The following ESYT2 variants were observed in gnomAD, a reference collection of about 807,000 sequenced individuals.
ESYT2 encodes extended synaptotagmin 2.
In ESYT2, 54 loss-of-function variants were observed where a neutral mutation model predicts 107.2. The observed-to-expected ratio is 0.50, with a 90% CI of 0.40 to 0.63. The LOEUF is 0.63. ESYT2 is among the 30% of genes least tolerant of loss of function. The pLI is 0.00. For synonymous variants in ESYT2, 491 were observed against 434.1 expected (o/e 1.13, Z -1.63); for missense variants, 1,020 against 1,094.5 (o/e 0.93, Z 0.96).
chr7:158,746,988 G>C (rs912216181), intron 16 of ESYT2, among the ~76,000 whole-genome samples: 8 of 152,164 alleles, frequency 5.3e-5, no homozygotes. Flanking sequence ...GGAGTTGGAG[G>C]CTGCAGTGAT....
chr7:158,816,263 T>C (rs929378460), intron 1 of ESYT2, among the ~76,000 whole-genome samples: 2 of 152,050 alleles, frequency 1.3e-5, no homozygotes, highest in African/African-American at 4.8e-5. Context: ...AGTGGAAGGG[T>C]TGCTTGAGTC....
At chr7:158,737,560 T>G (rs1419390634) in intron 19 of ESYT2, among the ~76,000 whole-genome samples, 3 of 152,186 alleles carry the variant, frequency 2.0e-5, no homozygotes, top group Non-Finnish European at 4.4e-5. Context: ...AGAAGGGGGC[T>G]GCTCCTTTGC....
At chr7:158,747,740 T>A (rs1251276837) in intron 16 of ESYT2, among the ~76,000 whole-genome samples, 1 of 152,226 alleles carries the variant, frequency 6.6e-6, no homozygotes, top group Non-Finnish European at 1.5e-5. Flanking sequence ...CAGTCTTGTA[T>A]GTGATATTCA....
Position 158,741,082 on chromosome 7 carries a change from A to G in ESYT2, c.2168+441T>C, listed in dbSNP as rs139736625. ...CAACACAGACATCCGAAGACAAACA[A>G]AAGAGACTGAGCAACAGGGATGGGA... On this transcript the variant is annotated intron_variant, in intron 18 of 22. Coordinates refer to ENST00000275418, the MANE Select transcript of ESYT2 (RefSeq NM_001367773.1). Among the ~76,000 whole-genome samples, 107 of 152,286 alleles carry G rather than the reference A, an allele frequency of 7.0e-4. 1 individual carries two copies. The highest frequency in any genetic ancestry group is 2.6e-3 in the African/African-American group (106 of 41,554).
chr7:158,748,180 T>C lies in ESYT2; in HGVS notation c.1644+14A>G. 6.2e-7 allele frequency: 1 copy of C among 1,611,400 alleles called. No homozygotes were observed. The highest frequency in any genetic ancestry group is 2.2e-5 in the East Asian group (1 of 44,870). ...ATTTGTCAATAAATTGGTTAAAAAA[T>C]GCAAATAAAATACCTCAACTTCAAG... is the stretch of plus-strand genomic sequence containing the variant. On this transcript the variant is annotated intron_variant, in intron 16 of 22. Transcript: ENST00000275418.
At chr7:158,802,677 G>A (rs1839680261) in intron 1 of ESYT2, among the ~76,000 whole-genome samples, 1 of 152,220 alleles carries the variant, frequency 6.6e-6, no homozygotes, top group South Asian at 2.1e-4. Context: ...TAGTAACACT[G>A]AAACATGCAG....
intron 13 of ESYT2, among the ~76,000 whole-genome samples, chr7:158,753,970 C>T (rs1423257899): frequency 6.6e-6 from 1 of 152,100 alleles, no homozygotes; most frequent in African/African-American, 2.4e-5. Flanking sequence ...TTCTAACATG[C>T]ATCAAGTAAA....
At chr7:158,735,710 T>A (rs1836914563) in intron 20 of ESYT2, 102 bp from the exon 21 acceptor site, 1 of 1,028,704 alleles carries the variant, frequency 9.7e-7, no homozygotes, top group South Asian at 1.5e-5. Flanking sequence ...AAATGTCATG[T>A]TTGTTTTTTA....
intron 20 of ESYT2, among the ~76,000 whole-genome samples, chr7:158,736,462 G>C (rs1836952820): frequency 6.6e-6 from 1 of 152,096 alleles, no homozygotes; most frequent in African/African-American, 2.4e-5. Flanking sequence ...TTTAAAAGTG[G>C]GGGCCAATGA....
At chr7:158,803,300 T>C in intron 1 of ESYT2, among the ~76,000 whole-genome samples, 1 of 152,236 alleles carries the variant, frequency 6.6e-6, no homozygotes, top group East Asian at 1.9e-4. Flanking sequence ...TTTGTTTCCT[T>C]GTGTAAAATC....
chr7:158,812,504 T>C (rs1035393400), intron 1 of ESYT2, among the ~76,000 whole-genome samples: 1 of 152,188 alleles, frequency 6.6e-6, no homozygotes, highest in African/African-American at 2.4e-5. Flanking sequence ...CATATATTGC[T>C]GGGGAGAATG....
chr7:158,757,830 C>G (rs1298653645), intron 13 of ESYT2, among the ~76,000 whole-genome samples: 1 of 151,808 alleles, frequency 6.6e-6, no homozygotes, highest in Non-Finnish European at 1.5e-5. Context: ...ACAACACACA[C>G]AGTTCTAAAG....
At chr7:158,749,538 C>T (rs546034068) in intron 15 of ESYT2, 111 bp downstream of exon 15, 16 of 933,446 alleles carry the variant, frequency 1.7e-5, no homozygotes, top group South Asian at 5.9e-5. Flanking sequence ...TCGATGCCCA[C>T]GCTATCACAC....
chr7:158,792,205 G>A (rs1015157232), intron 4 of ESYT2, among the ~76,000 whole-genome samples: 1 of 133,168 alleles, frequency 7.5e-6, no homozygotes, highest in Non-Finnish European at 1.6e-5. Context: ...TTCTACATAT[G>A]AGATCATCTC....
chr7:158,783,069 T>A lies in ESYT2; in HGVS notation c.747+4935A>T, dbSNP rs542231092. ...GCCTCAGGATGCTGGGAGCCTCGCC[T>A]CTGGAGGACTGAGCTATTTCAGGAA... On this transcript the variant is annotated intron_variant, in intron 6 of 22. Coordinates refer to ENST00000275418, the MANE Select transcript of ESYT2 (RefSeq NM_001367773.1). Among the ~76,000 whole-genome samples, 9 of 152,242 alleles carry A rather than the reference T, an allele frequency of 5.9e-5. No homozygotes were observed. In the East Asian group the frequency reaches 1.5e-3, roughly 26 times the overall value.
chr7:158,733,804 G>A lies in ESYT2; in HGVS notation c.*403C>T, dbSNP rs12670487. 24,366 of 154,624 alleles carry A rather than the reference G, an allele frequency of 0.16. 3,106 individuals are homozygous for A. The highest frequency in any genetic ancestry group is 0.56 in the East Asian group (2,935 of 5,222). 9.6% of individuals were successfully genotyped at this position (154,624 alleles called of 1,614,324 possible). A position where few individuals can be genotyped will look rare whatever the true frequency, so the allele number is the denominator to read the frequency against. On this transcript the variant is annotated 3_prime_UTR_variant, in exon 23 of 23. Transcript: ENST00000275418. ...TAGAAGAAAATATATATATTTCCTT[G>A]ATCTATTTCCTTCTGAATTTAAACC...
In ESYT2 at chr7:158,739,099, G is replaced by A. The variant is rs979962838; in HGVS notation, c.2191C>T (p.Pro731Ser). 4 of 1,613,994 alleles carry A rather than the reference G, an allele frequency of 2.5e-6. No individual in the cohort carries two copies. Among genetic ancestry groups the A allele is most frequent in the African/African-American group, 1.3e-5 (1 of 74,910 alleles). Residue 731 changes from proline to serine, a missense_variant, in exon 19 of 23, where the codon CCA becomes TCA. Pro to Ser is a moderately conservative substitution (Grantham distance 74). Coordinates refer to ENST00000275418, the MANE Select transcript of ESYT2 (RefSeq NM_001367773.1). ...ATGGTCAGCTGGATCTGCCCCAGTG[G>A]AGACTGTCCCAGGGTCGTCCCGCTG... The part of the protein sequence containing the change: ...LENGTTLGQS[P>S]LGQIQLTIRH...
chr7:158,751,803 C>T (rs996777475), intron 14 of ESYT2, among the ~76,000 whole-genome samples: 2 of 152,188 alleles, frequency 1.3e-5, no homozygotes, highest in African/African-American at 4.8e-5. Context: ...AGTCTGATTT[C>T]AGGGCCTTCA....
intron 2 of ESYT2, among the ~76,000 whole-genome samples, chr7:158,798,723 A>G (rs1463485261): frequency 1.3e-5 from 2 of 148,454 alleles, no homozygotes; most frequent in Admixed American, 6.7e-5. Flanking sequence ...TTTCTTTGTC[A>G]TGTTTTTTAA....
Sources: allele counts gnomAD v4.1 joint callset (sites outside exome capture counted in the v4.1 genomes callset), GRCh38; gene constraint gnomAD v4.1.1; transcripts MANE v1.5; gene names NCBI Gene and HGNC (gene_info 2026-07-23, HGNC 2026-07-21).